The following USP6 variants were observed in gnomAD, a reference collection of about 807,000 sequenced individuals.
The protein encoded by USP6 is ubiquitin specific peptidase 6.
USP6 carries 128 observed loss-of-function variants against 175.7 expected under a neutral mutation model. That is an observed-to-expected ratio of 0.73 (90% CI 0.63 to 0.84). USP6 has a LOEUF of 0.84. USP6 is among the 40% of genes least tolerant of loss of function. USP6 has a pLI of 0.00. For missense variants in USP6, 1,498 were observed against 1,760.3 expected (o/e 0.85, Z 2.67); for synonymous variants, 562 against 630.6 (o/e 0.89, Z 1.63).
intron 4 of USP6, among the ~76,000 whole-genome samples, chr17:5,124,119 G>A (rs1024798419): frequency 2.0e-5 from 3 of 152,178 alleles, no homozygotes; most frequent in South Asian, 2.1e-4. Flanking sequence ...TCAACTATAC[G>A]AGGACACTGC....
intron 30 of USP6, among the ~76,000 whole-genome samples, chr17:5,149,931 T>C (rs1028631468): frequency 1.3e-5 from 2 of 152,156 alleles, no homozygotes; most frequent in African/African-American, 4.8e-5. Context: ...TAGCAACCTA[T>C]GTTTTAGTTC....
intron 21 of USP6, 81 bp from the exon 22 acceptor site, chr17:5,139,174 A>G (rs1458226750): frequency 4.4e-6 from 7 of 1,598,162 alleles, no homozygotes; most frequent in Non-Finnish European, 5.9e-6. Flanking sequence ...AGGACTCCAG[A>G]GATGCAGGCA....
At chr17:5,155,308 G>T in intron 30 of USP6, 114 bp from the exon 31 acceptor site, 2 of 1,243,060 alleles carry the variant, frequency 1.6e-6, no homozygotes, top group Non-Finnish European at 2.3e-6. Flanking sequence ...AGAAGAATGT[G>T]ATAGTGACTA....
intron 30 of USP6, among the ~76,000 whole-genome samples, chr17:5,152,978 AG>A (rs1440345960): frequency 1.3e-5 from 2 of 152,174 alleles, no homozygotes; most frequent in East Asian, 3.9e-4. Flanking sequence ...CCTCGATGAC[AG>A]AGCTAGACCC....
chr17:5,141,695 T>G (rs1598032562), intron 23 of USP6, among the ~76,000 whole-genome samples, 196 bp downstream of exon 23: 1 of 152,204 alleles, frequency 6.6e-6, no homozygotes, highest in East Asian at 1.9e-4. Flanking sequence ...TTTCTAACTC[T>G]GCAATTTAAT....
intron 15 of USP6, chr17:5,135,012 C>A: frequency 2.0e-6 from 1 of 502,892 alleles, no homozygotes. Flanking sequence ...AATCATTCAG[C>A]GTGAAAAGGA....
At chr17:5,163,421 T>G (rs903502402) in intron 33 of USP6, among the ~76,000 whole-genome samples, 1 of 152,066 alleles carries the variant, frequency 6.6e-6, no homozygotes, top group African/African-American at 2.4e-5. Flanking sequence ...AGGAGGAAGA[T>G]CCTCGCTTTC....
intron 33 of USP6, among the ~76,000 whole-genome samples, chr17:5,166,577 A>G (rs2074100454): frequency 6.6e-6 from 1 of 152,174 alleles, no homozygotes; most frequent in Admixed American, 6.6e-5. Flanking sequence ...CATTTGCCAC[A>G]GAGAGGCAGT....
In USP6 at chr17:5,138,218, T is replaced by C; in HGVS notation, c.1023T>C (p.His341=). ...WAMNDDTVLK[H]LRASTKKLTR... ...TGAACGATGACACCGTGCTCAAGCA[T>C]CTTAGGGCCTCTACGAAGAAACTAA... Residue 341 remains histidine (H), a synonymous_variant, in exon 21 of 38, where the codon CAT becomes CAC. Transcript: ENST00000574788. 1 of 1,613,984 alleles carries C rather than the reference T, an allele frequency of 6.2e-7. No homozygotes were observed. Among genetic ancestry groups the C allele is most frequent in the Non-Finnish European group, 8.5e-7 (1 of 1,179,960 alleles).
intron 24 of USP6, 72 bp downstream of exon 24, chr17:5,142,213 C>T: frequency 6.4e-7 from 1 of 1,563,176 alleles, no homozygotes; most frequent in South Asian, 1.2e-5. Context: ...TAAATTTCCT[C>T]TTTTTTCACC....
rs3887943 is a variant in USP6 at position 5,132,669 on chromosome 17, C to G, written c.195+234C>G. ...GGTGGCTGCGCGCTTGTGTCAGGAC[C>G]CCACCTAGAGGCTGGGACCTAAGAC... On this transcript the variant is annotated intron_variant, in intron 12 of 37. Transcript: ENST00000574788. This position sits in a 1 kb window ranked among gnomAD's most constrained non-coding sequence, Gnocchi z 4.7. 0.083 allele frequency among the ~76,000 whole-genome samples: 12,626 copies of G among 152,194 alleles called. 761 individuals carry two copies. Among genetic ancestry groups the G allele is most frequent in the Middle Eastern group, 0.12 (35 of 294 alleles).
At chr17:5,156,585 C>T (rs1200548187) in intron 31 of USP6, among the ~76,000 whole-genome samples, 4 of 151,898 alleles carry the variant, frequency 2.6e-5, no homozygotes, top group East Asian at 1.9e-4. Flanking sequence ...GGATTACAGG[C>T]GTGAGCCACC....
In USP6 at chr17:5,163,016, G is replaced by C. The variant is rs370885369; in HGVS notation, c.3036+12G>C. On this transcript the variant is annotated intron_variant, in intron 33 of 37. Coordinates refer to ENST00000574788, the MANE Select transcript of USP6 (RefSeq NM_001304284.2). ...CATCCCAGGAAAGGGTAAGAATTTA[G>C]GGCCACCGTAAAATGGTGGTTTTTA... 3.8e-5 allele frequency: 58 copies of C among 1,540,554 alleles called. 1 individual carries two copies. Among genetic ancestry groups the C allele is most frequent in the Non-Finnish European group, 1.7e-5 (19 of 1,150,670 alleles).
Position 5,137,766 on chromosome 17 carries a change from C to T in USP6, c.925+16C>T, listed in dbSNP as rs1161563623. ...GTTCAGCAGAGTAAGTCTACGTGTG[C>T]CCAGTGGGGCCTGGGGAGCCCTGCA... On this transcript the variant is annotated intron_variant, in intron 20 of 37. Coordinates refer to ENST00000574788, the MANE Select transcript of USP6 (RefSeq NM_001304284.2). 1 of 1,605,914 alleles carries T rather than the reference C, an allele frequency of 6.2e-7. No homozygotes were observed. The highest frequency in any genetic ancestry group is 1.1e-5 in the South Asian group (1 of 91,036).
intron 23 of USP6, 138 bp downstream of exon 23, chr17:5,141,637 C>T: frequency 1.3e-6 from 1 of 756,848 alleles, no homozygotes; most frequent in Non-Finnish European, 2.0e-6. Context: ...TTTCCTGAAG[C>T]AGCATTTGAT....
At position 5,130,608 on chromosome 17, in the gene USP6, C is replaced by A; in HGVS notation, c.79C>A (p.Arg27=). Residue 27 remains arginine (R), a synonymous_variant, in exon 11 of 38, where the codon CGA becomes AGA. Coordinates refer to ENST00000574788, the MANE Select transcript of USP6 (RefSeq NM_001304284.2). The part of the protein sequence containing the change: ...DILMKYDKGH[R]AGLPEDKGPE... ...GGCTCCCTCTGGGTTACAGGGACAC[C>A]GAGCTGGGCTGCCAGAGGACAAGGG... 1.2e-6 allele frequency: 2 copies of A among 1,613,794 alleles called. No individual in the cohort carries two copies.
At chr17:5,137,529 G>T (rs114274445) in intron 19 of USP6, 122 bp from the exon 20 acceptor site, 2 of 1,007,458 alleles carry the variant, frequency 2.0e-6, no homozygotes, top group South Asian at 2.9e-5. Flanking sequence ...ATTCTGGAGG[G>T]CTCAGGTGAC....
chr17:5,139,788 A>C, intron 22 of USP6, 114 bp downstream of exon 22: 2 of 1,595,280 alleles, frequency 1.3e-6, no homozygotes, highest in Non-Finnish European at 1.7e-6. Flanking sequence ...AGGGACGAGC[A>C]GCAGTGCGCT....
At chr17:5,133,371 A>T in intron 13 of USP6, 72 bp from the exon 14 acceptor site, 1 of 1,485,450 alleles carries the variant, frequency 6.7e-7, no homozygotes, top group Non-Finnish European at 9.4e-7. Context: ...GACAATTTCC[A>T]GAATCCCCAG....
Sources: gnomAD v4.1 joint callset for allele counts (sites outside exome capture counted in the v4.1 genomes callset) on GRCh38, gnomAD v4.1.1 for gene constraint, Gnocchi (gnomAD v3.1) non-coding constraint, MANE v1.5 for transcripts, NCBI Gene and HGNC (gene_info 2026-07-23, HGNC 2026-07-21) for gene names.